LRRC7: variants seen among roughly 807,000 people sequenced by gnomAD.
LRRC7 encodes leucine rich repeat containing 7.
Under a neutral mutation model 175.7 loss-of-function variants are expected in LRRC7, and 23 were observed. The observed-to-expected ratio is 0.13, with a 90% confidence interval of 0.09 to 0.19. LRRC7 has a LOEUF of 0.19. Ranked by LOEUF, LRRC7 falls within the 10% of genes least tolerant of loss-of-function variation. The pLI, the probability that LRRC7 is intolerant of heterozygous loss-of-function variation, is 1.00. For synonymous variants in LRRC7, 685 were observed against 680.9 expected, an observed-to-expected ratio of 1.01 and a Z score of -0.09; for missense variants, 1,354 against 1,904.7, an observed-to-expected ratio of 0.71 and a Z score of 5.38.
intron 2 of LRRC7, among the ~76,000 whole-genome samples, chr1:69,721,104 C>G (rs1366421814): frequency 1.3e-5 from 2 of 151,752 alleles, no homozygotes; most frequent in African/African-American, 4.8e-5. Flanking sequence ...AAAACTTGAG[C>G]AGAAAGTACA....
intron 10 of LRRC7, among the ~76,000 whole-genome samples, chr1:69,989,164 A>G (rs1654204747): frequency 6.6e-6 from 1 of 152,198 alleles, no homozygotes; most frequent in African/African-American, 2.4e-5. Context: ...AACCTGAGCT[A>G]TGACTAAAAA....
intron 1 of LRRC7, among the ~76,000 whole-genome samples, chr1:69,582,122 GT>G (rs1364418695): frequency 6.6e-6 from 1 of 152,098 alleles, no homozygotes; most frequent in African/African-American, 2.4e-5. Context: ...GCTGTAAATT[GT>G]TGCCCAGAGG....
At chr1:70,072,578 ACTG>A (rs6143270) in intron 23 of LRRC7, among the ~76,000 whole-genome samples, 5,496 of 150,676 alleles carry the variant, frequency 0.036, 124 homozygotes, top group African/African-American at 0.062. Context: ...GAGACAAAAA[ACTG>A]CTGCTGCTGC....
At chr1:70,119,369 T>C (rs1666068746) in intron 26 of LRRC7, among the ~76,000 whole-genome samples, 3 of 152,090 alleles carry the variant, frequency 2.0e-5, no homozygotes, top group Admixed American at 1.3e-4. Flanking sequence ...ACATGCGGCA[T>C]TTTATGTTAT....
At chr1:69,719,365 A>T (rs1666106984) in intron 2 of LRRC7, among the ~76,000 whole-genome samples, 1 of 151,684 alleles carries the variant, frequency 6.6e-6, no homozygotes, top group Non-Finnish European at 1.5e-5. Context: ...TCTTTGGATC[A>T]TTCCCACATT....
chr1:69,651,591 C>T (rs1053169020), intron 1 of LRRC7, among the ~76,000 whole-genome samples: 2 of 152,126 alleles, frequency 1.3e-5, no homozygotes, highest in Non-Finnish European at 2.9e-5. Context: ...AGCAATAATA[C>T]ATGGAGCAAA....
intron 11 of LRRC7, among the ~76,000 whole-genome samples, chr1:69,995,294 A>G (rs1654827380): frequency 6.6e-6 from 1 of 152,188 alleles, no homozygotes; most frequent in South Asian, 2.1e-4. Flanking sequence ...CAATCCGTGT[A>G]AAGTGAGAAA....
chr1:69,641,263 C>T (rs572438987), intron 1 of LRRC7, among the ~76,000 whole-genome samples: 1 of 151,652 alleles, frequency 6.6e-6, no homozygotes, highest in African/African-American at 2.4e-5. Context: ...ATTCATTCTC[C>T]ATCAGCACTA....
At chr1:70,043,692 A>C (rs1660102857) in intron 21 of LRRC7, among the ~76,000 whole-genome samples, 2 of 152,202 alleles carry the variant, frequency 1.3e-5, no homozygotes, top group African/African-American at 4.8e-5. Flanking sequence ...GACAGAATTT[A>C]TGACGTTGAG....
chr1:69,902,858 C>T (rs1479417405), intron 7 of LRRC7, among the ~76,000 whole-genome samples: 3 of 152,112 alleles, frequency 2.0e-5, no homozygotes, highest in Non-Finnish European at 4.4e-5. Context: ...TATAATTACC[C>T]ATAAGAAATA....
At chr1:69,684,403 G>T (rs965048433) in intron 2 of LRRC7, among the ~76,000 whole-genome samples, 2 of 152,060 alleles carry the variant, frequency 1.3e-5, no homozygotes, top group African/African-American at 4.8e-5. Flanking sequence ...GGAAAGAAAG[G>T]CATAAGGAAA....
chr1:70,027,082 T>C (rs1344044339), intron 17 of LRRC7, among the ~76,000 whole-genome samples: 1 of 151,946 alleles, frequency 6.6e-6, no homozygotes, highest in Non-Finnish European at 1.5e-5. Context: ...ACTGCTTCTC[T>C]TTCACCTTCT....
chr1:70,045,175 A>T (rs937578129), intron 22 of LRRC7, among the ~76,000 whole-genome samples: 1 of 146,280 alleles, frequency 6.8e-6, no homozygotes, highest in African/African-American at 2.5e-5. Context: ...CCGTAACTTT[A>T]AAAAAAAAAA....
At chr1:70,065,154 A>G (rs1661874255) in intron 23 of LRRC7, among the ~76,000 whole-genome samples, 1 of 151,966 alleles carries the variant, frequency 6.6e-6, no homozygotes, top group African/African-American at 2.4e-5. Context: ...TTACACTAAT[A>G]CAGGGTACCT....
intron 2 of LRRC7, among the ~76,000 whole-genome samples, chr1:69,727,806 A>G (rs1379717041): frequency 1.3e-5 from 2 of 152,244 alleles, no homozygotes. Context: ...GGCTACAATT[A>G]TAACTACGAA....
At chr1:69,831,368 A>G (rs12734666) in intron 5 of LRRC7, among the ~76,000 whole-genome samples, 84,251 of 151,780 alleles carry the variant, frequency 0.56, 23,534 homozygotes, top group East Asian at 0.7. Context: ...CTATCAGGAC[A>G]TGAGCTCTAA....
intron 4 of LRRC7, among the ~76,000 whole-genome samples, chr1:69,816,810 C>G (rs1313629584): frequency 2.6e-5 from 4 of 152,098 alleles, no homozygotes; most frequent in African/African-American, 9.7e-5. Context: ...ATTACCCGCA[C>G]TCCCCAGCAC....
intron 7 of LRRC7, among the ~76,000 whole-genome samples, chr1:69,865,163 T>G (rs1684770750): frequency 6.6e-6 from 1 of 152,066 alleles, no homozygotes; most frequent in Non-Finnish European, 1.5e-5. Context: ...TTTCCTTGCT[T>G]GAAAAGGGTA....
intron 7 of LRRC7, among the ~76,000 whole-genome samples, chr1:69,877,418 A>G (rs1303428281): frequency 6.6e-6 from 1 of 151,932 alleles, no homozygotes; most frequent in Admixed American, 6.6e-5. Flanking sequence ...ACACCACTGC[A>G]CTCCAGCCTG....
Sources: allele counts gnomAD v4.1 joint callset (sites outside exome capture counted in the v4.1 genomes callset), GRCh38; gene constraint gnomAD v4.1.1; transcripts MANE v1.5; gene names NCBI Gene and HGNC (gene_info 2026-07-23, HGNC 2026-07-21).